The following RNF13 variants were observed in gnomAD, a reference collection of about 807,000 sequenced individuals.
RNF13 encodes E3 ubiquitin-protein ligase RNF13.
Under a neutral mutation model 37.7 loss-of-function variants are expected in RNF13, and 19 were observed. The observed-to-expected ratio is 0.50, with a 90% CI of 0.35 to 0.74. RNF13 has a LOEUF of 0.74. Among genes scored for constraint, RNF13 ranks in the 30% least tolerant of loss-of-function variants. The pLI is 0.01. For missense variants in RNF13, 375 were observed against 453.0 expected (o/e 0.83, Z 1.56); for synonymous variants, 144 against 157.8 (o/e 0.91, Z 0.65).
chr3:149,846,289 G>A, intron 2 of RNF13, 149 bp downstream of exon 2: 1 of 541,934 alleles, frequency 1.8e-6, no homozygotes, highest in Non-Finnish European at 3.3e-6. Flanking sequence ...TTGACATTGA[G>A]GTACCTTATT....
At chr3:149,842,333 C>G (rs1553752887) in intron 1 of RNF13, among the ~76,000 whole-genome samples, 1 of 152,154 alleles carries the variant, frequency 6.6e-6, no homozygotes, top group Non-Finnish European at 1.5e-5. Context: ...GGTCTTCCTT[C>G]TATGTTTCCT....
chr3:149,907,175 G>T lies in RNF13; in HGVS notation c.501-4803G>T, dbSNP rs568812827. On this transcript the variant is annotated intron_variant, in intron 6 of 9. Transcript: ENST00000392894. ...TTGACTAAATTCTCTTACTGTTGAT[G>T]GCAGTTTTTTCATATAAATAGAAAT... 3.3e-5 allele frequency among the ~76,000 whole-genome samples: 5 copies of T among 152,142 alleles called. No homozygotes were observed. The East Asian group carries it at 9.7e-4, about 29-fold the overall frequency.
intron 8 of RNF13, among the ~76,000 whole-genome samples, chr3:149,937,272 C>T (rs1431695296): frequency 2.0e-5 from 3 of 152,044 alleles, no homozygotes; most frequent in South Asian, 2.1e-4. Context: ...TAACCCTAGA[C>T]GGTAGGGAAA....
Position 149,902,155 on chromosome 3 carries a change from GA to G in RNF13, c.498del (p.Gly168AlafsTer5). On this transcript the variant is annotated frameshift_variant, in exon 6 of 10. Transcript: ENST00000392894. LOFTEE classifies it high-confidence loss of function. ...TTCTCTGAAAGATGAATTCACATAT[GA>G]AAAAGGGTAAGTAATGGATATAAAA... is the stretch of plus-strand genomic sequence containing the variant. ...ANSLKDEFTYEKGGHLILVPE... is the reference protein window; with the variant it reads ...ANSLKDEFTYXKGGHLILVPE... 10 of 1,462,288 alleles carry G rather than the reference GA, an allele frequency of 6.8e-6. No individual in the cohort carries two copies. The highest frequency in any genetic ancestry group is 3.9e-5 in the South Asian group (3 of 76,270). 90.6% of individuals were successfully genotyped at this position (1,462,288 alleles called of 1,614,324 possible).
intron 4 of RNF13, among the ~76,000 whole-genome samples, chr3:149,878,128 C>A (rs77677813): frequency 0.024 from 3,624 of 152,210 alleles, 142 homozygotes; most frequent in African/African-American, 0.082. Context: ...ATTCCCCAAA[C>A]ATTCTTTTGC....
At chr3:149,851,387 T>G (rs1266725510) in intron 2 of RNF13, 1 of 152,122 alleles carries the variant, frequency 6.6e-6, no homozygotes, top group Non-Finnish European at 1.5e-5. Context: ...AACTGTGGAG[T>G]TGCTTATCTG....
chr3:149,844,957 A>G (rs1366815061), intron 1 of RNF13, among the ~76,000 whole-genome samples: 1 of 151,944 alleles, frequency 6.6e-6, no homozygotes, highest in Non-Finnish European at 1.5e-5. Flanking sequence ...CCCTCCCTCA[A>G]GCTTTCCCCC....
chr3:149,955,446 T>C (rs1677937861), intron 8 of RNF13, among the ~76,000 whole-genome samples: 1 of 152,102 alleles, frequency 6.6e-6, no homozygotes, highest in African/African-American at 2.4e-5. Context: ...TTAAAATATT[T>C]TATCCTGTTG....
At chr3:149,952,702 C>T (rs1219219654) in intron 8 of RNF13, among the ~76,000 whole-genome samples, 1 of 151,916 alleles carries the variant, frequency 6.6e-6, no homozygotes, top group African/African-American at 2.4e-5. Context: ...CGGGTTCAAG[C>T]GATTCTCCTG....
chr3:149,955,499 G>T (rs778881168), intron 8 of RNF13, among the ~76,000 whole-genome samples: 6 of 151,690 alleles, frequency 4.0e-5, no homozygotes, highest in East Asian at 1.9e-4. Flanking sequence ...GGGAAAAGAA[G>T]AATAAAAAAT....
At chr3:149,850,945 AAATCACGCTGAAGC>A (rs1172820645) in intron 2 of RNF13, among the ~76,000 whole-genome samples, 4 of 152,238 alleles carry the variant, frequency 2.6e-5, no homozygotes, top group Non-Finnish European at 5.9e-5. Context: ...TTGCAATGGG[AAATCACGCTGAAGC>A]AATTACCACA....
intron 3 of RNF13, among the ~76,000 whole-genome samples, chr3:149,855,093 GT>G (rs746665034): frequency 6.6e-6 from 1 of 152,196 alleles, no homozygotes; most frequent in African/African-American, 2.4e-5. Flanking sequence ...GGAGGCCAAG[GT>G]GGGTAGATCA....
At chr3:149,829,257 G>C (rs999256723) in intron 1 of RNF13, among the ~76,000 whole-genome samples, 13 of 151,996 alleles carry the variant, frequency 8.6e-5, no homozygotes, top group Non-Finnish European at 2.9e-5. Flanking sequence ...GAGCCACCAG[G>C]CTCAGCTAAT....
intron 5 of RNF13, among the ~76,000 whole-genome samples, chr3:149,901,009 TAA>T (rs895945404): frequency 2.6e-5 from 4 of 152,172 alleles, no homozygotes; most frequent in African/African-American, 9.6e-5. Flanking sequence ...CAGTAATTTA[TAA>T]GTTTAGGGGG....
intron 4 of RNF13, among the ~76,000 whole-genome samples, chr3:149,880,074 G>A (rs1440435323): frequency 6.6e-6 from 1 of 152,154 alleles, no homozygotes; most frequent in Non-Finnish European, 1.5e-5. Flanking sequence ...GAGATCTGTC[G>A]CTGGGTGGCG....
At chr3:149,836,921 A>G (rs1721682546) in intron 1 of RNF13, among the ~76,000 whole-genome samples, 1 of 152,206 alleles carries the variant, frequency 6.6e-6, no homozygotes, top group Non-Finnish European at 1.5e-5. Flanking sequence ...TTCCACTTAT[A>G]TTAGGTAGTT....
chr3:149,954,337 A>G (rs923825383), intron 8 of RNF13, among the ~76,000 whole-genome samples: 5 of 152,176 alleles, frequency 3.3e-5, no homozygotes, highest in African/African-American at 9.6e-5. Flanking sequence ...TCTTTAAGAG[A>G]ACTCCTATAG....
chr3:149,841,507 T>C (rs1041585271), intron 1 of RNF13, among the ~76,000 whole-genome samples: 4 of 152,198 alleles, frequency 2.6e-5, no homozygotes, highest in Non-Finnish European at 4.4e-5. Flanking sequence ...AACATGTGAA[T>C]GAAGATATAA....
intron 1 of RNF13, among the ~76,000 whole-genome samples, chr3:149,844,476 C>G (rs1317733137): frequency 6.6e-6 from 1 of 152,198 alleles, no homozygotes; most frequent in Middle Eastern, 3.2e-3. Context: ...TATAGACACT[C>G]TCTGTCTAGC....
Sources: allele counts gnomAD v4.1 joint callset (sites outside exome capture counted in the v4.1 genomes callset), GRCh38; gene constraint gnomAD v4.1.1; transcripts MANE v1.5; gene names NCBI Gene and HGNC (gene_info 2026-07-23, HGNC 2026-07-21).